The following FBXO34 variants were observed in gnomAD, a reference collection of about 807,000 sequenced individuals.
FBXO34 encodes the protein F-box only protein 34.
FBXO34 carries 12 observed loss-of-function variants against 24.5 expected under a neutral mutation model. That is an observed-to-expected ratio of 0.49 (90% CI 0.31 to 0.79). FBXO34 has a LOEUF of 0.79. Ranked by LOEUF, FBXO34 falls within the 30% of genes least tolerant of loss-of-function variation. The probability of loss-of-function intolerance (pLI) is 0.04; values close to 1 mark genes in which losing one functional copy is unlikely to be tolerated. For missense variants in FBXO34, 823 were observed against 857.7 expected, an observed-to-expected ratio of 0.96 and a Z score of 0.51; for synonymous variants, 320 against 311.9, an observed-to-expected ratio of 1.03 and a Z score of -0.27.
chr14:55,397,453 A>T, the FBXO34 span: 1 of 1,596,820 alleles, frequency 6.3e-7, no homozygotes, highest in Non-Finnish European at 8.6e-7. Flanking sequence ...AAAAAATTCA[A>T]TGTCTTATTT....
At chr14:55,376,713 C>T in the FBXO34 span, among the ~76,000 whole-genome samples, 2 of 152,160 alleles carry the variant, frequency 1.3e-5, no homozygotes, top group East Asian at 3.9e-4. Flanking sequence ...GGAAGGGAAA[C>T]CCAAAAGAAC....
intron 1 of FBXO34, among the ~76,000 whole-genome samples, chr14:55,303,709 C>T (rs1309490261): frequency 1.3e-5 from 2 of 151,586 alleles, no homozygotes; most frequent in African/African-American, 4.8e-5. Context: ...GCTTCCCACT[C>T]CCCCTTAATA....
the FBXO34 span, among the ~76,000 whole-genome samples, chr14:55,439,902 G>A: frequency 7.7e-6 from 1 of 130,444 alleles, no homozygotes; most frequent in Admixed American, 8.7e-5. Flanking sequence ...CTGCACTCCA[G>A]CCTGGGTGAC....
rs750963765 is a variant in FBXO34 at position 55,351,770 on chromosome 14, G to C, written c.1380G>C (p.Val460=). 7.4e-6 allele frequency: 12 copies of C among 1,614,082 alleles called. No individual in the cohort carries two copies. The Admixed American group carries it at 2.0e-4, about 27-fold the overall frequency. The part of the protein sequence containing the change: ...RKESLCISIT[V]SKVDKDQPSI... ...AATCTTTGTGCATTAGTATCACTGT[G>C]TCCAAGGTAGACAAAGACCAGCCTT... Residue 460 remains valine (V), a synonymous_variant, in exon 2 of 2, where the codon GTG becomes GTC. Transcript: ENST00000313833.
intron 1 of FBXO34, among the ~76,000 whole-genome samples, chr14:55,349,673 GC>G (rs1170467440): frequency 6.8e-6 from 1 of 146,858 alleles, no homozygotes; most frequent in Non-Finnish European, 1.5e-5. Flanking sequence ...AGTGGTGTGT[GC>G]GATCTTGGCT....
the FBXO34 span, among the ~76,000 whole-genome samples, chr14:55,428,471 TG>T: frequency 0.074 from 11,203 of 152,188 alleles, 424 homozygotes; most frequent in Non-Finnish European, 0.085. Context: ...TCTCAATGTG[TG>T]GGCCTCTGAC....
chr14:55,411,717 G>A, the FBXO34 span: 2 of 1,612,308 alleles, frequency 1.2e-6, no homozygotes, highest in Admixed American at 3.3e-5. Flanking sequence ...GCCACGTACA[G>A]CCCCTCCGCA....
the FBXO34 span, chr14:55,395,833 G>T: frequency 1.4e-6 from 1 of 718,870 alleles, no homozygotes; most frequent in South Asian, 4.0e-5. Context: ...TTAAGTAGAG[G>T]ACTGCTAAAT....
chr14:55,373,976 A>G (rs1884871318), downstream of FBXO34, among the ~76,000 whole-genome samples: 1 of 152,196 alleles, frequency 6.6e-6, no homozygotes, highest in African/African-American at 2.4e-5. Flanking sequence ...TCCTCTGGCC[A>G]TAAACTTAGA....
chr14:55,359,235 A>G (rs1566572187), intron 3 of FBXO34, among the ~76,000 whole-genome samples: 1 of 152,264 alleles, frequency 6.6e-6, no homozygotes, highest in East Asian at 1.9e-4. Context: ...CCCAAAGGCC[A>G]GTGCAAAATT....
chr14:55,369,168 C>CT (rs1259706421), downstream of FBXO34: 1 of 153,270 alleles, frequency 6.5e-6, no homozygotes, highest in East Asian at 1.9e-4. Context: ...TATTAAAGAG[C>CT]TTTTATCTTT....
chr14:55,302,728 GCTTA>G (rs142049495), intron 1 of FBXO34, among the ~76,000 whole-genome samples: 8,762 of 152,042 alleles, frequency 0.058, 318 homozygotes, highest in South Asian at 0.088. Context: ...AGTGCTAAGT[GCTTA>G]CTTACTAGAT....
At chr14:55,433,074 G>T in the FBXO34 span, among the ~76,000 whole-genome samples, 1 of 152,160 alleles carries the variant, frequency 6.6e-6, no homozygotes, top group South Asian at 2.1e-4. Context: ...TAGCAGCGCA[G>T]TTAAGTCCCC....
chr14:55,415,690 C>T, the FBXO34 span, among the ~76,000 whole-genome samples: 2 of 152,000 alleles, frequency 1.3e-5, no homozygotes, highest in African/African-American at 4.8e-5. Flanking sequence ...CACGGCGAAA[C>T]CCCCGTCTCT....
At chr14:55,319,621 A>G (rs935719900) in intron 1 of FBXO34, among the ~76,000 whole-genome samples, 29 of 152,260 alleles carry the variant, frequency 1.9e-4, no homozygotes, top group African/African-American at 7.0e-4. Flanking sequence ...AGGTTTTTTC[A>G]TGTGATTGTA....
At chr14:55,395,985 G>T in the FBXO34 span, 8 of 1,580,332 alleles carry the variant, frequency 5.1e-6, no homozygotes, top group Non-Finnish European at 6.0e-6. Context: ...TTAACACTCT[G>T]TGAGGAAAAG....
chr14:55,297,896 G>A lies in FBXO34; in HGVS notation c.-11+26359G>A, dbSNP rs373387472. Among the ~76,000 whole-genome samples the A allele has an allele frequency of 3.3e-4, 50 of 152,342 alleles. 1 individual carries two copies. The highest frequency in any genetic ancestry group is 1.2e-3 in the African/African-American group (50 of 41,582). On this transcript the variant is annotated intron_variant, in intron 1 of 1. Transcript: ENST00000313833. ...TTGTACATCTTAGGATGTTAGGGAA[G>A]CTTTCTTTGTTCCATGCAAAACAAA...
chr14:55,425,623 GA>G, the FBXO34 span, among the ~76,000 whole-genome samples: 2 of 152,170 alleles, frequency 1.3e-5, no homozygotes, highest in African/African-American at 4.8e-5. Flanking sequence ...CAAAGATTGA[GA>G]ATATCGAACA....
chr14:55,303,265 G>C (rs1181967512), intron 1 of FBXO34, among the ~76,000 whole-genome samples: 1 of 152,106 alleles, frequency 6.6e-6, no homozygotes, highest in African/African-American at 2.4e-5. Flanking sequence ...GAACAAAGTA[G>C]ACAGAGTGAA....
Sources: gnomAD v4.1 joint callset for allele counts (sites outside exome capture counted in the v4.1 genomes callset) on GRCh38, gnomAD v4.1.1 for gene constraint, MANE v1.5 for transcripts, NCBI Gene and HGNC (gene_info 2026-07-23, HGNC 2026-07-21) for gene names.